Variants in PSMF1 observed in about 807,000 individuals in gnomAD.
PSMF1 encodes proteasome inhibitor subunit 1, also known as proteasome inhibitor PI31 subunit.
PSMF1 carries 30 observed loss-of-function variants against 29.3 expected under a neutral mutation model. The ratio of observed to expected loss-of-function variants is 1.02; its 90% CI spans 0.77 to 1.39. The LOEUF is 1.39. Among genes scored for constraint, PSMF1 ranks in the 40% most tolerant of loss-of-function variants. PSMF1 has a pLI of 0.00. For synonymous variants in PSMF1, 134 were observed against 139.7 expected (o/e 0.96, Z 0.29); for missense variants, 344 against 357.5 (o/e 0.96, Z 0.31).
At chr20:1,161,565 TCC>T (rs2086667673) in intron 4 of PSMF1, 17 of 613,186 alleles carry the variant, frequency 2.8e-5, no homozygotes, top group Non-Finnish European at 4.8e-5. Flanking sequence ...ATCATCGTGC[TCC>T]CAGAGCGCAA....
intron 4 of PSMF1, among the ~76,000 whole-genome samples, chr20:1,153,214 A>G (rs1247115828): frequency 6.6e-6 from 1 of 152,226 alleles, no homozygotes; most frequent in Admixed American, 6.5e-5. Context: ...ATATGTGTGC[A>G]TCATAAATTG....
intron 4 of PSMF1, among the ~76,000 whole-genome samples, chr20:1,159,683 G>C (rs1568482403): frequency 2.0e-5 from 3 of 152,314 alleles, no homozygotes; most frequent in South Asian, 4.1e-4. Context: ...CACCTGGTCT[G>C]CCTCTAGTTA....
intron 3 of PSMF1, chr20:1,134,763 C>G (rs762675455): frequency 2.8e-6 from 1 of 352,868 alleles, no homozygotes; most frequent in Non-Finnish European, 5.5e-6. Flanking sequence ...CATGACCCTT[C>G]CCATGACACG....
intron 4 of PSMF1, chr20:1,161,187 C>A: frequency 3.1e-6 from 1 of 327,186 alleles, no homozygotes; most frequent in Non-Finnish European, 6.0e-6. Flanking sequence ...CACAGCCAAG[C>A]GGGAGATCAT....
Position 1,171,446 on chromosome 20 carries a change from C to G in PSMF1, c.*6366C>G, listed in dbSNP as rs1600183517. 1.3e-5 allele frequency among the ~76,000 whole-genome samples: 2 copies of G among 152,256 alleles called. No individual in the cohort carries two copies. Among genetic ancestry groups the G allele is most frequent in the African/African-American group, 2.4e-5 (1 of 41,538 alleles). ...TTAGTAGGATGGCAGCTAGTCTTCC[C>G]TATTGACAGGTGAAAAAGCAGGTCC... On this transcript the variant is annotated 3_prime_UTR_variant, in exon 7 of 7. Coordinates refer to ENST00000335877, the MANE Select transcript of PSMF1 (RefSeq NM_006814.5).
intron 1 of PSMF1, among the ~76,000 whole-genome samples, chr20:1,124,742 A>G (rs541927210): frequency 4.4e-4 from 67 of 152,382 alleles, no homozygotes; most frequent in South Asian, 2.3e-3. Context: ...TGACATGGAT[A>G]CATTTCCAAA....
chr20:1,116,589 T>G (rs2086013827), upstream of PSMF1, among the ~76,000 whole-genome samples: 1 of 152,204 alleles, frequency 6.6e-6, no homozygotes, highest in Non-Finnish European at 1.5e-5. Context: ...AAGAATTCAT[T>G]CCTTCATTCA....
At chr20:1,121,773 A>T (rs1441026089) in intron 1 of PSMF1, among the ~76,000 whole-genome samples, 2 of 152,178 alleles carry the variant, frequency 1.3e-5, no homozygotes, top group East Asian at 3.9e-4. Flanking sequence ...ATAAAACTTG[A>T]TTAGAAAACC....
rs2086726378 is a variant in PSMF1, at chr20:1,166,101, G to A, written c.*1021G>A. ...ACTCTGTGGTTTTTGGACCCCATGG[G>A]GCCCAGACAGAGCACAGGAGCATGG... On this transcript the variant is annotated 3_prime_UTR_variant, in exon 7 of 7. Coordinates refer to ENST00000335877, the MANE Select transcript of PSMF1 (RefSeq NM_006814.5). The A allele has an allele frequency of 6.5e-7, 1 of 1,542,564 alleles. No individual in the cohort carries two copies. Among genetic ancestry groups the A allele is most frequent in the South Asian group, 1.2e-5 (1 of 83,274 alleles).
rs1364493370 is a variant in PSMF1 at position 1,163,072 on chromosome 20, A to G, written c.552-58A>G. 5.7e-6 allele frequency: 9 copies of G among 1,583,874 alleles called. No individual in the cohort carries two copies. The highest frequency in any genetic ancestry group is 5.4e-5 in the African/African-American group (4 of 74,224). On this transcript the variant is annotated intron_variant, in intron 4 of 6. Coordinates refer to ENST00000335877, the MANE Select transcript of PSMF1 (RefSeq NM_006814.5). This position sits in a 1 kb window ranked among gnomAD's most constrained non-coding sequence, Gnocchi z 6.1. ...CCTGTGAGTGTGTTTGTGATCCCAC[A>G]TGTATCAGGTGCCTGGCTGCTCTGG...
intron 1 of PSMF1, among the ~76,000 whole-genome samples, chr20:1,119,561 T>A (rs912648194): frequency 6.6e-6 from 1 of 151,972 alleles, no homozygotes; most frequent in Non-Finnish European, 1.5e-5. Context: ...GGTGTGAGGG[T>A]CATATAAGAT....
In PSMF1 at chr20:1,170,308, C is replaced by T. The variant is rs113831629; in HGVS notation, c.*5228C>T. Among the ~76,000 whole-genome samples, 1,384 of 152,174 alleles carry T rather than the reference C, an allele frequency of 9.1e-3. 22 individuals carry two copies. The highest frequency in any genetic ancestry group is 0.032 in the African/African-American group (1,315 of 41,518). ...ATGTCTTTTTCCTTTACGTGAATATCGAGTACAAAGAATTGAGCCAGTCAG... is the reference window on the plus strand; with the variant it reads ...ATGTCTTTTTCCTTTACGTGAATATTGAGTACAAAGAATTGAGCCAGTCAG... On this transcript the variant is annotated 3_prime_UTR_variant, in exon 7 of 7. Transcript: ENST00000335877.
intron 2 of PSMF1, 167 bp downstream of exon 2, chr20:1,125,817 C>A (rs1015587613): frequency 2.5e-5 from 23 of 922,408 alleles, no homozygotes; most frequent in Non-Finnish European, 3.4e-5. Flanking sequence ...GTATAGAAAA[C>A]CTTCGTGCAC....
chr20:1,167,463 A>G lies in PSMF1; in HGVS notation c.*2383A>G, dbSNP rs1176320501. On this transcript the variant is annotated 3_prime_UTR_variant, in exon 7 of 7. Transcript: ENST00000335877. ...ATCCACCACCATTTCTAATTCCTGAACATTTTCACCACCTCAAAAAGAAAC... is the reference window on the plus strand; with the variant it reads ...ATCCACCACCATTTCTAATTCCTGAGCATTTTCACCACCTCAAAAAGAAAC... 1.3e-5 allele frequency: 2 copies of G among 152,354 alleles called. No homozygotes were observed. The highest frequency in any genetic ancestry group is 3.8e-4 in the East Asian group (2 of 5,200). 9.4% of individuals were successfully genotyped at this position (152,354 alleles called of 1,614,324 possible).
intron 4 of PSMF1, among the ~76,000 whole-genome samples, chr20:1,139,325 A>G (rs2086350777): frequency 6.6e-6 from 1 of 152,262 alleles, no homozygotes; most frequent in African/African-American, 2.4e-5. Context: ...GAACAAGGCA[A>G]GCATGTTTGC....
chr20:1,160,917 CA>C, intron 4 of PSMF1: 1 of 445,938 alleles, frequency 2.2e-6, no homozygotes, highest in Admixed American at 2.8e-5. Flanking sequence ...CCCTGAACCC[CA>C]AGGCCAACAG....
chr20:1,127,855 A>G (rs888512011), intron 3 of PSMF1, among the ~76,000 whole-genome samples: 2 of 152,178 alleles, frequency 1.3e-5, no homozygotes, highest in Non-Finnish European at 2.9e-5. Flanking sequence ...TTTAAAAAAA[A>G]ATTATTTTCT....
At position 1,163,184 on chromosome 20, in the gene PSMF1, G is replaced by A. The variant is rs542657370; in HGVS notation, c.605+1G>A. 1.4e-5 allele frequency: 23 copies of A among 1,614,096 alleles called. No homozygotes were observed. In the South Asian group the frequency reaches 2.5e-4, roughly 18 times the overall value. ...GGGGAGAAGACTTAGACCCTTTTGGGTGAGTACTGCTGGGGAGGTGGCAGC... is the reference window on the plus strand; with the variant it reads ...GGGGAGAAGACTTAGACCCTTTTGGATGAGTACTGCTGGGGAGGTGGCAGC... On this transcript the variant is annotated splice_donor_variant, in intron 5 of 6. Coordinates refer to ENST00000335877, the MANE Select transcript of PSMF1 (RefSeq NM_006814.5). LOFTEE classifies it high-confidence loss of function. This position sits in a 1 kb window ranked among gnomAD's most constrained non-coding sequence, Gnocchi z 6.1.
chr20:1,115,126 G>A (rs1483744802), upstream of PSMF1, among the ~76,000 whole-genome samples: 1 of 107,636 alleles, frequency 9.3e-6, no homozygotes, highest in Admixed American at 1.0e-4. Flanking sequence ...ACCAAGGGGT[G>A]GGGGTGACGG....
Sources: gnomAD v4.1 joint callset for allele counts (sites outside exome capture counted in the v4.1 genomes callset) on GRCh38, gnomAD v4.1.1 for gene constraint, Gnocchi (gnomAD v3.1) non-coding constraint, MANE v1.5 for transcripts, NCBI Gene and HGNC (gene_info 2026-07-23, HGNC 2026-07-21) for gene names.